The following CYP17A1 variants were observed in gnomAD, a reference collection of about 807,000 sequenced individuals.
The protein encoded by CYP17A1 is cytochrome P450 family 17 subfamily A member 1, also known as steroid 17-alpha-hydroxylase/17,20 lyase.
In CYP17A1, 27 loss-of-function variants were observed where a neutral mutation model predicts 38.5. The observed-to-expected ratio is 0.70, with a 90% CI of 0.52 to 0.97. CYP17A1 has a LOEUF of 0.97. Among genes scored for constraint, CYP17A1 ranks in the 50% least tolerant of loss-of-function variants. The pLI is 0.00. For missense variants in CYP17A1, 549 were observed against 645.9 expected (o/e 0.85, Z 1.63); for synonymous variants, 263 against 253.3 (o/e 1.04, Z -0.36).
Position 102,834,855 on chromosome 10 carries a change from T to C in CYP17A1, c.596A>G (p.Gln199Arg). The change falls in exon 3 of 8, where the codon CAG (glutamine) becomes CGG (arginine). Residue 199 changes from glutamine to arginine, a missense_variant. By Grantham distance (43) the Gln-to-Arg change is conservative (BLOSUM62 1). Around this residue, in one of 3 missense-constraint regions of CYP17A1, gnomAD observed 289 missense variants for 320.9 expected, o/e 0.90. Coordinates refer to ENST00000369887, the MANE Select transcript of CYP17A1 (RefSeq NM_000102.4). ...GTCTATGATGCCTTCATTGTAATTC[T>C]GTATGACATTCAACTCAGGGTCCCC... ...KNGDPELNVI[Q>R]NYNEGIIDNL... 1 of 1,614,172 alleles carries C rather than the reference T, an allele frequency of 6.2e-7. No homozygotes were observed.
In CYP17A1 at chr10:102,834,773, G is replaced by A; in HGVS notation, c.666+12C>T. The A allele has an allele frequency of 6.2e-7, 1 of 1,614,094 alleles. No homozygotes were observed. On this transcript the variant is annotated intron_variant, in intron 3 of 7. Transcript: ENST00000369887. ...CTACTAGAACCTGAAGGCAGGGCTG[G>A]CAGCATCTCACCTTCAACCAGGGGA...
In CYP17A1 at chr10:102,835,235, GGGCCAGCCT is replaced by G. The variant is rs780614918; in HGVS notation, c.436+10_436+18del. 4.4e-6 allele frequency: 7 copies of G among 1,609,066 alleles called. No individual in the cohort carries two copies. In the African/African-American group the frequency reaches 9.4e-5, roughly 22 times the overall value. ...CTGTGGGATCCAGCCCCAGCCCCAGGGGCCAGCCTGGCACTCACTGATCTTCTCCAGCTT... is the reference window on the plus strand; with the variant it reads ...CTGTGGGATCCAGCCCCAGCCCCAGGGGCACTCACTGATCTTCTCCAGCTT... On this transcript the variant is annotated intron_variant, in intron 2 of 7. Coordinates refer to ENST00000369887, the MANE Select transcript of CYP17A1 (RefSeq NM_000102.4).
Position 102,837,046 on chromosome 10 carries a change from G to T in CYP17A1, c.297+19C>A. 1 of 1,482,844 alleles carries T rather than the reference G, an allele frequency of 6.7e-7. No individual in the cohort carries two copies. The allele number at this position is 1,482,844 out of a possible 1,614,324, so 91.9% of individuals were successfully genotyped here. ...CAGGGGGTGGTGAAGGGGGCAGGGA[G>T]GAGATGGGCACCACTTACCATTTGA... On this transcript the variant is annotated intron_variant, in intron 1 of 7. Transcript: ENST00000369887.
At chr10:102,834,463 C>T in intron 3 of CYP17A1, 1 of 555,016 alleles carries the variant, frequency 1.8e-6, no homozygotes, top group Admixed American at 3.1e-5. Context: ...GCCTGCTTCT[C>T]ACCTGCACAA....
intron 6 of CYP17A1, among the ~76,000 whole-genome samples, chr10:102,832,165 C>G (rs1844098673): frequency 6.6e-6 from 1 of 152,168 alleles, no homozygotes; most frequent in Admixed American, 6.5e-5. Context: ...CCTCCGCCGC[C>G]TTGGTTCAAG....
In CYP17A1 at chr10:102,830,961, G is replaced by A; in HGVS notation, c.1268C>T (p.Thr423Ile). The A allele has an allele frequency of 7.6e-6, 12 of 1,577,514 alleles. No homozygotes were observed. The highest frequency in any genetic ancestry group is 1.0e-5 in the Non-Finnish European group (12 of 1,159,474). The change falls in exon 8 of 8, where the codon ACC becomes ATC. Residue 423 changes from threonine (T) to isoleucine (I), a missense_variant. Thr to Ile is a moderately conservative substitution (Grantham distance 89). Transcript: ENST00000369887. This position sits in a 1 kb window ranked among gnomAD's most constrained non-coding sequence, Gnocchi z 4.1. Reference protein sequence around the residue: ...MPERFLNPAGTQLISPSVSYL... With the variant: ...MPERFLNPAGIQLISPSVSYL... ...GCTTACTGACGGTGAGATGAGCTGGGTCCCCGCTGGATTCAAGAAACGCTC... is the reference window on the plus strand; with the variant it reads ...GCTTACTGACGGTGAGATGAGCTGGATCCCCGCTGGATTCAAGAAACGCTC...
intron 3 of CYP17A1, chr10:102,834,373 T>C: frequency 1.8e-6 from 1 of 548,738 alleles, no homozygotes; most frequent in African/African-American, 1.9e-5. Context: ...CATCAAGCGC[T>C]GACTCTGCTA....
intron 2 of CYP17A1, 33 bp from the exon 3 acceptor site, chr10:102,835,047 G>C: frequency 7.4e-7 from 1 of 1,349,356 alleles, no homozygotes. Context: ...GGTGGGAAAT[G>C]AATCAGCACC....
At position 102,830,637 on chromosome 10, in the gene CYP17A1, G is replaced by T. The variant is rs537220295; in HGVS notation, c.*65C>A. ...GGAAGAATGGCGGAGAAGGGTGGGG[G>T]GTTGTATCTCTAAATCTGTGTTGTG... On this transcript the variant is annotated 3_prime_UTR_variant, in exon 8 of 8. Transcript: ENST00000369887. The surrounding 1 kb of genome is among the most constrained non-coding windows in gnomAD (Gnocchi z 4.1). The T allele has an allele frequency of 7.4e-4, 650 of 877,694 alleles. 1 individual carries two copies. The highest frequency in any genetic ancestry group is 1.1e-3 in the Non-Finnish European group (574 of 531,840). 54.4% of individuals were successfully genotyped at this position (877,694 alleles called of 1,614,324 possible).
chr10:102,832,905 A>T, intron 5 of CYP17A1, 88 bp downstream of exon 5: 1 of 1,564,942 alleles, frequency 6.4e-7, no homozygotes, highest in Non-Finnish European at 8.7e-7. Context: ...CTTCCTGCAC[A>T]GAAAGCCTGA....
chr10:102,834,245 CT>C, intron 3 of CYP17A1, 123 bp from the exon 4 acceptor site: 1 of 703,240 alleles, frequency 1.4e-6, no homozygotes. Context: ...CACCCCTGAC[CT>C]TCAGCCAGAA....
In CYP17A1 at chr10:102,835,454, C is replaced by A. The variant is rs534015171; in HGVS notation, c.298-62G>T. ...CATCCACCCCACTCTTGCCCTTACA[C>A]CTCTGGTCCCTGCTTTCCTTCCTGG... On this transcript the variant is annotated intron_variant, in intron 1 of 7. Transcript: ENST00000369887. 3.6e-6 allele frequency: 5 copies of A among 1,378,110 alleles called. No homozygotes were observed. The Admixed American group carries it at 8.4e-5, about 23-fold the overall frequency. 85.4% of individuals were successfully genotyped at this position (1,378,110 alleles called of 1,614,324 possible).
chr10:102,831,767 C>G (rs1396067516), intron 6 of CYP17A1, 156 bp from the exon 7 acceptor site: 1 of 1,364,378 alleles, frequency 7.3e-7, no homozygotes, highest in Non-Finnish European at 1.0e-6. Flanking sequence ...CAGATCAAAC[C>G]TAAATCCAGC....
At chr10:102,835,749 A>C (rs893348983) in intron 1 of CYP17A1, among the ~76,000 whole-genome samples, 1 of 152,148 alleles carries the variant, frequency 6.6e-6, no homozygotes, top group African/African-American at 2.4e-5. Flanking sequence ...TAAACTCTCT[A>C]AACTATGCCT....
intron 3 of CYP17A1, chr10:102,834,520 G>A (rs45448991): frequency 1.8e-4 from 108 of 588,310 alleles, no homozygotes; most frequent in Middle Eastern, 9.4e-4. Flanking sequence ...CGATGAATGC[G>A]TATAGAATGC....
chr10:102,832,436 A>G, intron 6 of CYP17A1, 75 bp downstream of exon 6: 2 of 955,982 alleles, frequency 2.1e-6, no homozygotes, highest in Non-Finnish European at 3.4e-6. Context: ...GGCCGGGGGT[A>G]GGGGGAGCCA....
chr10:102,833,334 C>T, intron 4 of CYP17A1, 126 bp from the exon 5 acceptor site: 1 of 1,559,526 alleles, frequency 6.4e-7, no homozygotes, highest in South Asian at 1.2e-5. Flanking sequence ...CAAGTCTGGG[C>T]AGGACCTACG....
Position 102,834,508 on chromosome 10 carries a change from A to AGCGATGAAT in CYP17A1, c.666+268_666+276dup, listed in dbSNP as rs1258084470. 3 of 576,530 alleles carry AGCGATGAAT rather than the reference A, an allele frequency of 5.2e-6. No individual in the cohort carries two copies. In the African/African-American group the frequency reaches 5.6e-5, roughly 11 times the overall value. The allele number at this position is 576,530 out of a possible 1,614,324, so 35.7% of individuals were successfully genotyped here. A position where few individuals can be genotyped will look rare whatever the true frequency, so the allele number is the denominator to read the frequency against. On this transcript the variant is annotated intron_variant, in intron 3 of 7. Coordinates refer to ENST00000369887, the MANE Select transcript of CYP17A1 (RefSeq NM_000102.4). ...TAAAACCTACTTCCAAGGGGAATTC[A>AGCGATGAAT]GCGATGAATGCGTATAGAATGCTTA...
Position 102,831,208 on chromosome 10 carries a change from A to G in CYP17A1, c.1244-223T>C, listed in dbSNP as rs284850. The stretch of plus-strand genomic sequence containing the variant: ...AATATTCAGGAAGGATGGAAAAGAG[A>G]TGGAATTAACCTATGAAAATAGCAC... On this transcript the variant is annotated intron_variant, in intron 7 of 7. Transcript: ENST00000369887. Among the ~76,000 whole-genome samples the G allele has an allele frequency of 1, 152,299 of 152,364 alleles. 76,117 individuals carry two copies. The highest frequency in any genetic ancestry group is 1 in the Middle Eastern group (294 of 294).
Sources: allele counts gnomAD v4.1 joint callset (sites outside exome capture counted in the v4.1 genomes callset), GRCh38; gene constraint gnomAD v4.1.1; regional missense constraint gnomAD v4.1.1; non-coding constraint Gnocchi (gnomAD v3.1); transcripts MANE v1.5; gene names NCBI Gene and HGNC (gene_info 2026-07-23, HGNC 2026-07-21).